The following TBXAS1 variants were observed in gnomAD, a reference collection of about 807,000 sequenced individuals.
The protein encoded by TBXAS1 is thromboxane A synthase 1.
Under a neutral mutation model 60.7 loss-of-function variants are expected in TBXAS1, and 48 were observed. The ratio of observed to expected loss-of-function variants is 0.79; its 90% CI spans 0.63 to 1.01. The LOEUF (loss-of-function observed/expected upper bound fraction) is 1.01. Among genes scored for constraint, TBXAS1 ranks in the 50% least tolerant of loss-of-function variants. TBXAS1 has a pLI of 0.00. For synonymous variants in TBXAS1, 287 were observed against 269.7 expected (o/e 1.06, Z -0.63); for missense variants, 685 against 686.3 (o/e 1.00, Z 0.02).
intron 9 of TBXAS1, among the ~76,000 whole-genome samples, chr7:139,990,237 C>T (rs538469533): frequency 6.6e-6 from 1 of 152,312 alleles, no homozygotes; most frequent in South Asian, 2.1e-4. Context: ...AGGGAGACCC[C>T]GAGGCCATCT....
At chr7:140,002,056 G>A (rs975918439) in intron 9 of TBXAS1, among the ~76,000 whole-genome samples, 2 of 152,148 alleles carry the variant, frequency 1.3e-5, no homozygotes, top group Non-Finnish European at 2.9e-5. Flanking sequence ...TTAAAGTTAC[G>A]TCTCCCGGGC....
chr7:139,833,544 G>T (rs1798854458), intron 1 of TBXAS1, among the ~76,000 whole-genome samples: 2 of 151,138 alleles, frequency 1.3e-5, no homozygotes, highest in South Asian at 2.1e-4. Flanking sequence ...AATTAGAGGG[G>T]TGTGGTGGTA....
At position 139,804,809 on chromosome 7, in the gene TBXAS1, C is replaced by T. The variant is rs560255670; in HGVS notation, c.-80+17383C>T. 2.0e-5 allele frequency among the ~76,000 whole-genome samples: 3 copies of T among 152,312 alleles called. No individual in the cohort carries two copies. In the East Asian group the frequency reaches 5.8e-4, roughly 29 times the overall value. On this transcript the variant is annotated intron_variant, in intron 4 of 16. Transcript: ENST00000336425. ...CTTTCCACCATAATTGTGAGGCCTC[C>T]CACCCATGTGAAACTGTGAGTCCAT...
chr7:139,819,265 C>T (rs10277434), intron 4 of TBXAS1, among the ~76,000 whole-genome samples: 58,472 of 152,006 alleles, frequency 0.38, 11,923 homozygotes, highest in South Asian at 0.69. Context: ...TTTCCACTTG[C>T]CAGCTGGTTG....
intron 3 of TBXAS1, among the ~76,000 whole-genome samples, chr7:139,878,401 G>A (rs1802428333): frequency 1.3e-5 from 2 of 152,112 alleles, no homozygotes; most frequent in Admixed American, 1.3e-4. Context: ...AGGTTATAGA[G>A]ATCAAGATTG....
chr7:139,983,107 C>T (rs1220224107), intron 9 of TBXAS1, among the ~76,000 whole-genome samples: 1 of 152,160 alleles, frequency 6.6e-6, no homozygotes, highest in East Asian at 1.9e-4. Context: ...ATTTCTGATG[C>T]AAACTGATTA....
chr7:139,865,537 C>A (rs1018784941), intron 1 of TBXAS1, among the ~76,000 whole-genome samples: 7 of 150,166 alleles, frequency 4.7e-5, no homozygotes, highest in Admixed American at 3.3e-4. Context: ...ATTCTGCCTG[C>A]CACCTAGATA....
chr7:139,921,753 A>T (rs1304729983), intron 4 of TBXAS1, among the ~76,000 whole-genome samples: 2 of 152,202 alleles, frequency 1.3e-5, no homozygotes, highest in Non-Finnish European at 2.9e-5. Context: ...GAAACACCAC[A>T]ATCTATTCCT....
At chr7:139,825,568 A>G (rs1256359414), upstream of TBXAS1, among the ~76,000 whole-genome samples, 1 of 152,224 alleles carries the variant, frequency 6.6e-6, no homozygotes, top group African/African-American at 2.4e-5. Context: ...GCTGGCCACC[A>G]ACATTCTATA....
chr7:140,007,582 T>C (rs1352874828), intron 10 of TBXAS1, among the ~76,000 whole-genome samples: 1 of 152,144 alleles, frequency 6.6e-6, no homozygotes, highest in Non-Finnish European at 1.5e-5. Flanking sequence ...ATAAAACAGA[T>C]AAAAGTCCCT....
rs1289311643 is a variant in TBXAS1 at position 139,983,741 on chromosome 7, T to C, written c.1134+21508T>C. Among the ~76,000 whole-genome samples the C allele has an allele frequency of 4.6e-5, 7 of 152,182 alleles. No individual in the cohort carries two copies. In the East Asian group the frequency reaches 1.2e-3, roughly 25 times the overall value. On this transcript the variant is annotated intron_variant, in intron 9 of 12. Transcript: ENST00000448866. ...CGCCCACTCCGCACACATTTTTTTTTCTAGTTGTCATAAACAAATTTCAAA... is the reference window on the plus strand; with the variant it reads ...CGCCCACTCCGCACACATTTTTTTTCCTAGTTGTCATAAACAAATTTCAAA...
chr7:139,955,734 C>G, intron 7 of TBXAS1, 127 bp downstream of exon 7: 1 of 1,403,314 alleles, frequency 7.1e-7, no homozygotes, highest in East Asian at 2.3e-5. Context: ...TGTTCCCCTG[C>G]AGAGGCTTTG....
intron 9 of TBXAS1, among the ~76,000 whole-genome samples, chr7:140,001,461 G>A (rs1813668052): frequency 6.6e-6 from 1 of 152,066 alleles, no homozygotes; most frequent in African/African-American, 2.4e-5. Context: ...GCACTATCTC[G>A]GCTCACCGCA....
At chr7:139,890,438 A>G (rs1387403554) in intron 3 of TBXAS1, among the ~76,000 whole-genome samples, 1 of 151,506 alleles carries the variant, frequency 6.6e-6, no homozygotes, top group Non-Finnish European at 1.5e-5. Flanking sequence ...GATGGTCTCG[A>G]TCTCCTGACC....
At chr7:139,873,895 A>C (rs984823988) in intron 2 of TBXAS1, among the ~76,000 whole-genome samples, 2 of 152,156 alleles carry the variant, frequency 1.3e-5, no homozygotes, top group African/African-American at 4.8e-5. Flanking sequence ...GGAAGACTAA[A>C]TTTGGGACAA....
At chr7:140,003,989 T>C (rs548648156) in intron 9 of TBXAS1, among the ~76,000 whole-genome samples, 1 of 152,318 alleles carries the variant, frequency 6.6e-6, no homozygotes, top group South Asian at 2.1e-4. Context: ...TTCTGCTTTG[T>C]TGTATACATC....
chr7:139,798,171 T>C (rs1797619558), intron 4 of TBXAS1, among the ~76,000 whole-genome samples: 1 of 151,866 alleles, frequency 6.6e-6, no homozygotes, highest in South Asian at 2.1e-4. Flanking sequence ...CTGAGCTCTG[T>C]AGGGGAGAAG....
chr7:139,803,789 C>A (rs1481963175), intron 4 of TBXAS1, among the ~76,000 whole-genome samples: 1 of 152,194 alleles, frequency 6.6e-6, no homozygotes, highest in African/African-American at 2.4e-5. Flanking sequence ...ATCTTAGCAG[C>A]TTTTACATGG....
At chr7:139,946,542 AC>A (rs1808731268) in intron 5 of TBXAS1, among the ~76,000 whole-genome samples, 1 of 152,230 alleles carries the variant, frequency 6.6e-6, no homozygotes, top group South Asian at 2.1e-4. Flanking sequence ...ATATGAAAGA[AC>A]AGATGAAAGA....
Sources: gnomAD v4.1 joint callset for allele counts (sites outside exome capture counted in the v4.1 genomes callset) on GRCh38, gnomAD v4.1.1 for gene constraint, MANE v1.5 for transcripts, NCBI Gene and HGNC (gene_info 2026-07-23, HGNC 2026-07-21) for gene names.